Variants in WLS observed in about 807,000 individuals in gnomAD.
WLS encodes the protein Wnt ligand secretion mediator, also known as protein wntless homolog.
A neutral mutation model predicts 62.8 loss-of-function variants in WLS; 23 were observed. The ratio of observed to expected loss-of-function variants is 0.37; its 90% CI spans 0.26 to 0.52. The LOEUF (loss-of-function observed/expected upper bound fraction) is 0.52. WLS is among the 20% of genes least tolerant of loss of function. WLS has a pLI of 0.92. For missense variants in WLS, 615 were observed against 697.3 expected (o/e 0.88, Z 1.33); for synonymous variants, 246 against 244.1 (o/e 1.01, Z -0.07).
chr1:68,113,423 C>T (rs549212515), intron 11 of WLS, among the ~76,000 whole-genome samples: 1 of 152,168 alleles, frequency 6.6e-6, no homozygotes, highest in Non-Finnish European at 1.5e-5. Context: ...AATTACTGAG[C>T]CACTCTGTGT....
downstream of WLS, among the ~76,000 whole-genome samples, chr1:68,122,440 T>C (rs1007378239): frequency 3.3e-5 from 5 of 152,182 alleles, no homozygotes; most frequent in Admixed American, 6.5e-5. Context: ...ACTATGGACA[T>C]TTTCTTGTAG....
chr1:68,098,968 T>G, intron 11 of WLS: 1 of 603,160 alleles, frequency 1.7e-6, no homozygotes, highest in Non-Finnish European at 2.6e-6. Context: ...ACCTCCTCCC[T>G]CAATTATTGT....
chr1:68,121,531 T>C (rs1416021002), downstream of WLS, among the ~76,000 whole-genome samples: 1 of 152,184 alleles, frequency 6.6e-6, no homozygotes, highest in Non-Finnish European at 1.5e-5. Flanking sequence ...TAATGTCATC[T>C]CAGAAACCAA....
Position 68,232,460 on chromosome 1 carries a change from C to G in WLS, c.-161G>C. The G allele has an allele frequency of 7.3e-7, 1 of 1,363,648 alleles. No individual in the cohort carries two copies. The highest frequency in any genetic ancestry group is 9.5e-7 in the Non-Finnish European group (1 of 1,052,120). The allele number at this position is 1,363,648 out of a possible 1,614,324, so 84.5% of individuals were successfully genotyped here. The stretch of plus-strand genomic sequence containing the variant: ...GCGAGGATGGGACCGGGACGGAAGG[C>G]GCCCGCACGGATTCCCCCGGCGCAG... On this transcript the variant is annotated 5_prime_UTR_variant, in exon 1 of 12. Coordinates refer to ENST00000262348, the MANE Select transcript of WLS (RefSeq NM_024911.7).
intron 2 of WLS, among the ~76,000 whole-genome samples, chr1:68,181,946 G>A (rs982116634): frequency 1.1e-4 from 16 of 152,178 alleles, no homozygotes; most frequent in Non-Finnish European, 2.2e-4. Context: ...TGTTAGACCA[G>A]CAGCCCTCTA....
intron 10 of WLS, chr1:68,141,631 T>C (rs996194836): frequency 6.6e-6 from 1 of 152,198 alleles, no homozygotes; most frequent in Non-Finnish European, 1.5e-5. Context: ...TTATATTTCA[T>C]GAGGCTTAAA....
intron 11 of WLS, among the ~76,000 whole-genome samples, chr1:68,129,565 A>G (rs1327402828): frequency 6.6e-6 from 1 of 151,828 alleles, no homozygotes; most frequent in African/African-American, 2.4e-5. Context: ...GGACCCAGAT[A>G]ATGGGACTCC....
intron 1 of WLS, among the ~76,000 whole-genome samples, chr1:68,218,147 T>C (rs569005526): frequency 2.2e-4 from 34 of 152,352 alleles, no homozygotes; most frequent in African/African-American, 6.5e-4. Context: ...AGTAGGCTTA[T>C]ACATTTCTTT....
intron 2 of WLS, among the ~76,000 whole-genome samples, chr1:68,164,671 C>G (rs1404828976): frequency 6.6e-6 from 1 of 152,144 alleles, no homozygotes; most frequent in Non-Finnish European, 1.5e-5. Flanking sequence ...TCTGCAGGAA[C>G]CTGAAGCCAC....
chr1:68,099,968 A>C (rs1307015602), intron 11 of WLS, among the ~76,000 whole-genome samples: 2 of 152,244 alleles, frequency 1.3e-5, no homozygotes, highest in Non-Finnish European at 2.9e-5. Context: ...ATTGGTGCAC[A>C]TAAAGTTCTT....
At chr1:68,105,303 A>G (rs1283185740) in intron 11 of WLS, among the ~76,000 whole-genome samples, 1 of 152,204 alleles carries the variant, frequency 6.6e-6, no homozygotes, top group African/African-American at 2.4e-5. Flanking sequence ...TACTTTGCAT[A>G]ACCCTTTTGC....
downstream of WLS, chr1:68,121,356 G>C (rs914339698): frequency 2.0e-5 from 3 of 152,226 alleles, no homozygotes; most frequent in Non-Finnish European, 4.4e-5. Flanking sequence ...ACAAAAAGGG[G>C]TTCCATCAAT....
At chr1:68,124,520 T>C (rs538154198), downstream of WLS, among the ~76,000 whole-genome samples, 13 of 150,030 alleles carry the variant, frequency 8.7e-5, no homozygotes, top group African/African-American at 3.2e-4. Context: ...AAAGTCCTTT[T>C]CCTAACCCAG....
downstream of WLS, among the ~76,000 whole-genome samples, chr1:68,123,992 TAAG>T (rs1646394292): frequency 6.6e-6 from 1 of 151,802 alleles, no homozygotes. Flanking sequence ...TAGAAAACTT[TAAG>T]TAGTGAATCC....
At chr1:68,198,683 C>T (rs556988887) in intron 1 of WLS, among the ~76,000 whole-genome samples, 7 of 151,956 alleles carry the variant, frequency 4.6e-5, no homozygotes, top group Admixed American at 2.0e-4. Context: ...GTACAAATAA[C>T]GGAGGAAGCA....
At chr1:68,213,315 G>A (rs1025010020) in intron 1 of WLS, among the ~76,000 whole-genome samples, 3 of 152,038 alleles carry the variant, frequency 2.0e-5, no homozygotes, top group South Asian at 2.1e-4. Flanking sequence ...GCCAGGCATG[G>A]TGGTAGGCGC....
Position 68,225,387 on chromosome 1 carries a change from G to C in WLS, c.106+6807C>G, listed in dbSNP as rs190902724. Among the ~76,000 whole-genome samples, 15 of 152,116 alleles carry C rather than the reference G, an allele frequency of 9.9e-5. No homozygotes were observed. In the East Asian group the frequency reaches 2.7e-3, roughly 27 times the overall value. On this transcript the variant is annotated intron_variant, in intron 1 of 11. Transcript: ENST00000262348. The stretch of plus-strand genomic sequence containing the variant: ...TCCTCTCCTTCCCACATCCCCATAC[G>C]GGCACTTTCTCTAGAACTGTGCAGA...
At chr1:68,211,802 T>A (rs1649526945) in intron 1 of WLS, among the ~76,000 whole-genome samples, 1 of 152,228 alleles carries the variant, frequency 6.6e-6, no homozygotes, top group Admixed American at 6.5e-5. Context: ...CAGTGCCATG[T>A]CTGCAAGAAG....
At chr1:68,106,956 A>G (rs1422336512) in intron 11 of WLS, among the ~76,000 whole-genome samples, 1 of 152,222 alleles carries the variant, frequency 6.6e-6, no homozygotes, top group Non-Finnish European at 1.5e-5. Flanking sequence ...CTAAGTCGGT[A>G]TGCATTTGAA....
Sources: allele counts gnomAD v4.1 joint callset (sites outside exome capture counted in the v4.1 genomes callset), GRCh38; gene constraint gnomAD v4.1.1; transcripts MANE v1.5; gene names NCBI Gene and HGNC (gene_info 2026-07-23, HGNC 2026-07-21).